Variants in CPXM2 observed in about 807,000 individuals in gnomAD.
CPXM2 encodes the protein inactive carboxypeptidase-like protein X2.
CPXM2 carries 66 observed loss-of-function variants against 86.1 expected under a neutral mutation model. The observed-to-expected ratio is 0.77, with a 90% CI of 0.63 to 0.94. CPXM2 has a LOEUF of 0.94. Ranked by LOEUF, CPXM2 falls within the 40% of genes least tolerant of loss-of-function variation. CPXM2 has a pLI of 0.00. For missense variants in CPXM2, 948 were observed against 1,026.3 expected (o/e 0.92, Z 1.04); for synonymous variants, 388 against 400.2 (o/e 0.97, Z 0.36).
chr10:123,792,711 A>G (rs1310835935), intron 6 of CPXM2, among the ~76,000 whole-genome samples: 1 of 152,226 alleles, frequency 6.6e-6, no homozygotes, highest in Admixed American at 6.5e-5. Context: ...TCAGGAAGAG[A>G]AACGCTGATT....
chr10:123,852,581 A>C (rs566353769), intron 3 of CPXM2, among the ~76,000 whole-genome samples: 1 of 152,224 alleles, frequency 6.6e-6, no homozygotes, highest in Non-Finnish European at 1.5e-5. Context: ...TCCTGTGTCC[A>C]GAACTTTCCA....
chr10:123,880,618 AG>A (rs1945067391), intron 1 of CPXM2, among the ~76,000 whole-genome samples: 1 of 152,076 alleles, frequency 6.6e-6, no homozygotes, highest in African/African-American at 2.4e-5. Context: ...TCACAAGGTC[AG>A]GAGATCAAGA....
At chr10:123,931,205 A>G (rs1484521890) in intron 2 of CPXM2, among the ~76,000 whole-genome samples, 5 of 152,142 alleles carry the variant, frequency 3.3e-5, no homozygotes, top group African/African-American at 9.7e-5. Context: ...ACAAAAGAGG[A>G]AGGGAGGTGA....
intron 10 of CPXM2, among the ~76,000 whole-genome samples, chr10:123,766,503 CTT>C (rs1290061800): frequency 6.6e-6 from 1 of 152,154 alleles, no homozygotes; most frequent in East Asian, 1.9e-4. Flanking sequence ...ACAACATACT[CTT>C]TGTAAAACAA....
Position 123,786,888 on chromosome 10 carries a change from C to A in CPXM2, c.890-6633G>T, listed in dbSNP as rs577710471. On this transcript the variant is annotated intron_variant, in intron 6 of 13. Transcript: ENST00000241305. ...ATGTAGATTCACTGGGCACTAAAGT[C>A]TCCCAAGGATGTCATCATTTGCCTC... Among the ~76,000 whole-genome samples the A allele has an allele frequency of 2.6e-5, 4 of 152,352 alleles. No individual in the cohort carries two copies. The East Asian group carries it at 7.7e-4, about 29-fold the overall frequency.
upstream of CPXM2, among the ~76,000 whole-genome samples, chr10:123,943,410 A>C (rs1945794797): frequency 6.6e-6 from 1 of 152,232 alleles, no homozygotes; most frequent in Non-Finnish European, 1.5e-5. Flanking sequence ...AGCAACAATA[A>C]AATCAGAATT....
At chr10:123,809,531 T>C (rs773905352) in intron 4 of CPXM2, among the ~76,000 whole-genome samples, 4 of 152,094 alleles carry the variant, frequency 2.6e-5, no homozygotes, top group African/African-American at 4.8e-5. Flanking sequence ...TAAATAGATA[T>C]AAATACACTC....
chr10:123,851,869 A>C (rs1205505394), intron 3 of CPXM2, among the ~76,000 whole-genome samples: 1 of 152,136 alleles, frequency 6.6e-6, no homozygotes, highest in South Asian at 2.1e-4. Context: ...GTCTTTAAAC[A>C]AGGGGATATC....
At chr10:123,816,001 G>A (rs1453184663) in intron 4 of CPXM2, among the ~76,000 whole-genome samples, 1 of 152,114 alleles carries the variant, frequency 6.6e-6, no homozygotes, top group Non-Finnish European at 1.5e-5. Context: ...TTATTTGCTT[G>A]GTTAGCTGAA....
In CPXM2 at chr10:123,761,988, G is replaced by A. The variant is rs769452613; in HGVS notation, c.1661C>T (p.Ser554Phe). 10 of 1,613,706 alleles carry A rather than the reference G, an allele frequency of 6.2e-6. No individual in the cohort carries two copies. In the Admixed American group the frequency reaches 8.3e-5, roughly 13 times the overall value. Residue 554 changes from serine to phenylalanine, a missense_variant, in exon 11 of 14, where the codon TCC (serine) becomes TTC (phenylalanine). Physicochemically the swap from Ser to Phe is radical, Grantham distance 155. Transcript: ENST00000241305. ...CATGAGGCGGTGTGTGGAGGCATAGGAGTAGGCCAGCCAGCGGAACACGTG... is the reference window on the plus strand; with the variant it reads ...CATGAGGCGGTGTGTGGAGGCATAGAAGTAGGCCAGCCAGCGGAACACGTG... ...DDHVFRWLAY[S>F]YASTHRLMTD...
At chr10:123,869,060 G>A (rs1315898576) in intron 2 of CPXM2, among the ~76,000 whole-genome samples, 1 of 152,110 alleles carries the variant, frequency 6.6e-6, no homozygotes, top group Admixed American at 6.5e-5. Context: ...AAACGGAGGA[G>A]AAGCAAGGTT....
At chr10:123,905,648 C>T (rs1945432610) in intron 2 of CPXM2, among the ~76,000 whole-genome samples, 2 of 152,092 alleles carry the variant, frequency 1.3e-5, no homozygotes, top group South Asian at 2.1e-4. Context: ...CTAATGTGAC[C>T]GTACATTCCC....
intron 10 of CPXM2, among the ~76,000 whole-genome samples, chr10:123,766,462 T>C (rs1219738): frequency 0.068 from 10,279 of 152,274 alleles, 557 homozygotes; most frequent in East Asian, 0.3. Flanking sequence ...CCAGGAAAGA[T>C]AATAAGAGGT....
chr10:123,821,725 A>C (rs1025785932), intron 4 of CPXM2, among the ~76,000 whole-genome samples: 4 of 152,226 alleles, frequency 2.6e-5, no homozygotes, highest in Admixed American at 2.0e-4. Flanking sequence ...AACTGGGGAC[A>C]TCTAGTGGGT....
intron 1 of CPXM2, 91 bp from the exon 2 acceptor site, chr10:123,880,400 G>A: frequency 1.4e-6 from 1 of 699,406 alleles, no homozygotes. Flanking sequence ...CTGCACAGCA[G>A]CCATCTCCCC....
chr10:123,766,988 C>T lies in CPXM2; in HGVS notation c.1464G>A (p.Leu488=). 6.2e-7 allele frequency: 1 copy of T among 1,613,874 alleles called. No homozygotes were observed. Among genetic ancestry groups the T allele is most frequent in the Non-Finnish European group, 8.5e-7 (1 of 1,179,732 alleles). The stretch of plus-strand genomic sequence containing the variant: ...TTTGACTCACCGTGGCATTTTCCGA[C>T]AGAAACCACTCAGGGATTGCAATAT... ...NHYIAIPEWF[L]SENATVAAET... Residue 488 remains leucine (L), a synonymous_variant, in exon 10 of 14, where the codon CTG becomes CTA. Coordinates refer to ENST00000241305, the MANE Select transcript of CPXM2 (RefSeq NM_198148.3).
Position 123,865,864 on chromosome 10 carries a change from C to G in CPXM2, c.404-3141G>C, listed in dbSNP as rs139553416. ...TCTGCTTCTTCTCTCCCTTCCTTTCCTGGGATTTTTGCTCCTGACTCCATT... is the reference window on the plus strand; with the variant it reads ...TCTGCTTCTTCTCTCCCTTCCTTTCGTGGGATTTTTGCTCCTGACTCCATT... On this transcript the variant is annotated intron_variant, in intron 2 of 13. Transcript: ENST00000241305. This position sits in a 1 kb window ranked among gnomAD's most constrained non-coding sequence, Gnocchi z 4.7. 2.8e-3 allele frequency among the ~76,000 whole-genome samples: 424 copies of G among 152,186 alleles called. 2 individuals carry two copies. The highest frequency in any genetic ancestry group is 9.5e-3 in the African/African-American group (395 of 41,518).
intron 4 of CPXM2, among the ~76,000 whole-genome samples, chr10:123,807,796 T>C (rs71504506): frequency 6.6e-6 from 1 of 152,206 alleles, no homozygotes; most frequent in Non-Finnish European, 1.5e-5. Context: ...AGCTATAATG[T>C]CACTGTTTCC....
At chr10:123,778,256 G>A (rs1846847890) in intron 7 of CPXM2, among the ~76,000 whole-genome samples, 1 of 152,200 alleles carries the variant, frequency 6.6e-6, no homozygotes, top group Non-Finnish European at 1.5e-5. Flanking sequence ...AAATGAACAA[G>A]TTTTTCCTGA....
Sources: gnomAD v4.1 joint callset for allele counts (sites outside exome capture counted in the v4.1 genomes callset) on GRCh38, gnomAD v4.1.1 for gene constraint, Gnocchi (gnomAD v3.1) non-coding constraint, MANE v1.5 for transcripts, NCBI Gene and HGNC (gene_info 2026-07-23, HGNC 2026-07-21) for gene names.